Variants in ZNF641 observed in about 807,000 individuals in gnomAD.
ZNF641 encodes the protein zinc finger protein 641.
Under a neutral mutation model 46.2 loss-of-function variants are expected in ZNF641, and 26 were observed. The ratio of observed to expected loss-of-function variants is 0.56; its 90% CI spans 0.41 to 0.78. ZNF641 has a LOEUF of 0.78. Ranked by LOEUF, ZNF641 falls within the 30% of genes least tolerant of loss-of-function variation. ZNF641 has a pLI of 0.00. For missense variants in ZNF641, 469 were observed against 517.8 expected (o/e 0.91, Z 0.91); for synonymous variants, 163 against 187.9 (o/e 0.87, Z 1.09).
rs947119879 is a variant in ZNF641 at position 48,342,709 on chromosome 12, C to T, written c.*264G>A. ...AGCCATAAACTGCCAGTACCACTCT[C>T]CTCTTGAGAACAGCTCAGGCTGAAT... On this transcript the variant is annotated 3_prime_UTR_variant, in exon 6 of 6. Transcript: ENST00000547026. The T allele has an allele frequency of 1.8e-6, 2 of 1,142,842 alleles. No homozygotes were observed. Among genetic ancestry groups the T allele is most frequent in the South Asian group, 4.3e-5 (2 of 46,300 alleles). 70.8% of individuals were successfully genotyped at this position (1,142,842 alleles called of 1,614,324 possible).
At chr12:48,350,228 GAAGT>G in intron 1 of ZNF641, 1 of 1,476,182 alleles carries the variant, frequency 6.8e-7, no homozygotes, top group South Asian at 1.4e-5. Flanking sequence ...CCTGCAAAAG[GAAGT>G]TTCTGCAGCC....
At chr12:48,347,387 C>A in intron 2 of ZNF641, 44 bp from the exon 3 acceptor site, 1 of 1,538,628 alleles carries the variant, frequency 6.5e-7, no homozygotes, top group South Asian at 1.2e-5. Context: ...ACGATCTACC[C>A]TTTCTCAATG....
chr12:48,343,796 A>G, intron 5 of ZNF641, 69 bp from the exon 6 acceptor site: 1 of 1,404,102 alleles, frequency 7.1e-7, no homozygotes, highest in Non-Finnish European at 9.3e-7. Context: ...CTAAGTCACA[A>G]ATGAGGTTGT....
intron 1 of ZNF641, chr12:48,350,359 G>A (rs1952996080): frequency 4.6e-6 from 3 of 649,654 alleles, no homozygotes; most frequent in Non-Finnish European, 7.0e-6. Flanking sequence ...GGGCATGGGC[G>A]GGACGGGAGC....
rs1952698303 is a variant in ZNF641, at chr12:48,340,707, G to A, written c.*2266C>T. On this transcript the variant is annotated 3_prime_UTR_variant, in exon 6 of 6. Transcript: ENST00000547026. ...ATGGAAAACTGAGTGAATTACAAATGTCTTTTTCTCAAAAGTGCGTTTCTG... is the reference window on the plus strand; with the variant it reads ...ATGGAAAACTGAGTGAATTACAAATATCTTTTTCTCAAAAGTGCGTTTCTG... The A allele has an allele frequency of 1.0e-6, 1 of 985,424 alleles. No individual in the cohort carries two copies. Among genetic ancestry groups the A allele is most frequent in the South Asian group, 4.7e-5 (1 of 21,288 alleles). The allele number at this position is 985,424 out of a possible 1,614,324, so 61.0% of individuals were successfully genotyped here.
chr12:48,341,141 G>A lies in ZNF641; in HGVS notation c.*1832C>T, dbSNP rs1300510483. The stretch of plus-strand genomic sequence containing the variant: ...CTAGTTGAGTCCAGGACTCTGAGGA[G>A]CTGTGATTCACCCAGTTTTTCCTGC... On this transcript the variant is annotated 3_prime_UTR_variant, in exon 6 of 6. Transcript: ENST00000547026. 2 of 985,332 alleles carry A rather than the reference G, an allele frequency of 2.0e-6. No individual in the cohort carries two copies. Among genetic ancestry groups the A allele is most frequent in the Non-Finnish European group, 2.4e-6 (2 of 829,936 alleles). 61.0% of individuals were successfully genotyped at this position (985,332 alleles called of 1,614,324 possible). A position where few individuals can be genotyped will look rare whatever the true frequency, so the allele number is the denominator to read the frequency against.
In ZNF641 at chr12:48,342,886, C is replaced by G; in HGVS notation, c.*87G>C. The G allele has an allele frequency of 6.6e-7, 1 of 1,513,482 alleles. No homozygotes were observed. Among genetic ancestry groups the G allele is most frequent in the African/African-American group, 1.4e-5 (1 of 72,116 alleles). The allele number at this position is 1,513,482 out of a possible 1,614,324, so 93.8% of individuals were successfully genotyped here. A position where few individuals can be genotyped will look rare whatever the true frequency, so the allele number is the denominator to read the frequency against. ...GGGTCAGGGCTTATGATTCTGGCCA[C>G]TGGGGTTCAGGAGAACGGCAGCCCT... is the stretch of plus-strand genomic sequence containing the variant. On this transcript the variant is annotated 3_prime_UTR_variant, in exon 6 of 6. Coordinates refer to ENST00000547026, the MANE Select transcript of ZNF641 (RefSeq NM_001172681.2).
downstream of ZNF641, among the ~76,000 whole-genome samples, chr12:48,335,731 A>G (rs545298361): frequency 1.3e-5 from 2 of 151,954 alleles, no homozygotes; most frequent in Non-Finnish European, 2.9e-5. Flanking sequence ...GGCATTCCCA[A>G]GAACAGCTAA....
chr12:48,344,079 TATTATTTATTACC>T (rs1295608074), intron 5 of ZNF641, among the ~76,000 whole-genome samples: 4 of 152,238 alleles, frequency 2.6e-5, no homozygotes, highest in Non-Finnish European at 5.9e-5. Context: ...ATGTTATTGT[TATTATTTATTACC>T]ATTATTTATT....
rs1287097852 is a variant in ZNF641, at chr12:48,339,105, AG to A, written c.*3867del. On this transcript the variant is annotated 3_prime_UTR_variant, in exon 6 of 6. Coordinates refer to ENST00000547026, the MANE Select transcript of ZNF641 (RefSeq NM_001172681.2). The stretch of plus-strand genomic sequence containing the variant: ...AGCCCCAGCCCCAATGAATCACAGG[AG>A]CTTGGTAGTTGCCCCACCATAGTTT... 1.3e-5 allele frequency: 2 copies of A among 152,234 alleles called. No homozygotes were observed. Among genetic ancestry groups the A allele is most frequent in the East Asian group, 3.9e-4 (2 of 5,178 alleles). 9.4% of individuals were successfully genotyped at this position (152,234 alleles called of 1,614,324 possible).
chr12:48,344,797 C>G (rs749132632), intron 4 of ZNF641, 85 bp from the exon 5 acceptor site: 29 of 846,202 alleles, frequency 3.4e-5, no homozygotes, highest in Non-Finnish European at 5.0e-5. Context: ...AAAACTGTTT[C>G]CTATTGTTTG....
chr12:48,349,155 G>GA (rs1224092944), intron 1 of ZNF641, among the ~76,000 whole-genome samples: 2 of 152,044 alleles, frequency 1.3e-5, no homozygotes, highest in African/African-American at 4.8e-5. Flanking sequence ...AGGTCAAACA[G>GA]AAAAAAATGG....
In ZNF641 at chr12:48,342,345, CT is replaced by C; in HGVS notation, c.*627del. On this transcript the variant is annotated 3_prime_UTR_variant, in exon 6 of 6. Transcript: ENST00000547026. ...CACACATGAACAAGGTCTGGCCCCC[CT>C]GGCTTTCATATGGATAAAAAAGGGG... 2.0e-6 allele frequency: 2 copies of C among 985,782 alleles called. No homozygotes were observed. Among genetic ancestry groups the C allele is most frequent in the South Asian group, 4.7e-5 (1 of 21,300 alleles). 61.1% of individuals were successfully genotyped at this position (985,782 alleles called of 1,614,324 possible). A position where few individuals can be genotyped will look rare whatever the true frequency, so the allele number is the denominator to read the frequency against.
downstream of ZNF641, among the ~76,000 whole-genome samples, chr12:48,336,985 T>C (rs1304011081): frequency 6.6e-6 from 1 of 152,194 alleles, no homozygotes; most frequent in Admixed American, 6.5e-5. Context: ...GAGCATCACA[T>C]GGGGACCAGG....
At position 48,347,758 on chromosome 12, in the gene ZNF641, C is replaced by T. The variant is rs1952919925; in HGVS notation, c.184+149G>A. Reference sequence around the variant, plus strand: ...GCTGAATTCAGGAGCCTATTCTGTACCTGTGACCAGGGCTGAGAAAGAATG... The same window carrying T: ...GCTGAATTCAGGAGCCTATTCTGTATCTGTGACCAGGGCTGAGAAAGAATG... On this transcript the variant is annotated intron_variant, in intron 2 of 5. Coordinates refer to ENST00000547026, the MANE Select transcript of ZNF641 (RefSeq NM_001172681.2). 9 of 742,848 alleles carry T rather than the reference C, an allele frequency of 1.2e-5. No individual in the cohort carries two copies. The East Asian group carries it at 2.4e-4, about 20-fold the overall frequency. The allele number at this position is 742,848 out of a possible 1,614,324, so 46.0% of individuals were successfully genotyped here.
rs760568547 is a variant in ZNF641, at chr12:48,343,334, G to A, written c.914C>T (p.Thr305Ile). ...RHQKTHLHDK[T>I]SRCSECGKNF... ...CTTACCACACTCAGAGCACCTGCTGGTCTTGTCATGTAGGTGGGTTTTCTG... is the reference window on the plus strand; with the variant it reads ...CTTACCACACTCAGAGCACCTGCTGATCTTGTCATGTAGGTGGGTTTTCTG... Residue 305 changes from threonine (T) to isoleucine (I), a missense_variant, in exon 6 of 6, where the codon ACC becomes ATC. By Grantham distance (89) the Thr-to-Ile change is moderately conservative. Coordinates refer to ENST00000547026, the MANE Select transcript of ZNF641 (RefSeq NM_001172681.2). The A allele has an allele frequency of 3.7e-6, 6 of 1,614,080 alleles. No homozygotes were observed. The African/African-American group carries it at 8.0e-5, about 22-fold the overall frequency.
chr12:48,348,567 T>A (rs1334129119), intron 1 of ZNF641, among the ~76,000 whole-genome samples: 1 of 152,172 alleles, frequency 6.6e-6, no homozygotes, highest in African/African-American at 2.4e-5. Flanking sequence ...CAAATCACAG[T>A]CTCATCAGTT....
In ZNF641 at chr12:48,342,761, C is replaced by T; in HGVS notation, c.*212G>A. 1 of 1,400,512 alleles carries T rather than the reference C, an allele frequency of 7.1e-7. No individual in the cohort carries two copies. Among genetic ancestry groups the T allele is most frequent in the Non-Finnish European group, 9.3e-7 (1 of 1,080,544 alleles). The allele number at this position is 1,400,512 out of a possible 1,614,324, so 86.8% of individuals were successfully genotyped here. On this transcript the variant is annotated 3_prime_UTR_variant, in exon 6 of 6. Transcript: ENST00000547026. ...TCAGCCCATGTAGGATGCATTGCTT[C>T]CCAAAAGTTTTGCCCAAAGAACTCT...
At chr12:48,337,176 T>C (rs1246881693), downstream of ZNF641, 1 of 152,202 alleles carries the variant, frequency 6.6e-6, no homozygotes, top group Non-Finnish European at 1.5e-5. Flanking sequence ...AGAGAACAAA[T>C]AAGTGACACA....
Sources: allele counts gnomAD v4.1 joint callset (sites outside exome capture counted in the v4.1 genomes callset), GRCh38; gene constraint gnomAD v4.1.1; transcripts MANE v1.5; gene names NCBI Gene and HGNC (gene_info 2026-07-23, HGNC 2026-07-21).